Variants in GTPBP2 observed in about 807,000 individuals in gnomAD.
GTPBP2 encodes the protein GTP-binding protein 2.
GTPBP2 carries 32 observed loss-of-function variants against 63.0 expected under a neutral mutation model. That is an observed-to-expected ratio of 0.51 (90% CI 0.38 to 0.68). The LOEUF (loss-of-function observed/expected upper bound fraction) is 0.68. Ranked by LOEUF, GTPBP2 falls within the 30% of genes least tolerant of loss-of-function variation. The pLI is 0.00. For missense variants in GTPBP2, 492 were observed against 796.9 expected, an observed-to-expected ratio of 0.62 and a Z score of 4.61; for synonymous variants, 310 against 322.6, an observed-to-expected ratio of 0.96 and a Z score of 0.42.
At position 43,625,630 on chromosome 6, in the gene GTPBP2, A is replaced by C; in HGVS notation, c.508-70T>G. 6.9e-7 allele frequency: 1 copy of C among 1,443,212 alleles called. No individual in the cohort carries two copies. Among genetic ancestry groups the C allele is most frequent in the Non-Finnish European group, 9.8e-7 (1 of 1,025,318 alleles). 89.4% of individuals were successfully genotyped at this position (1,443,212 alleles called of 1,614,324 possible). The stretch of plus-strand genomic sequence containing the variant: ...TCTAACTGAAGACTGGGTCAAGGGC[A>C]GTGACGCTCCCTAGGGAGCAAGTGA... On this transcript the variant is annotated intron_variant, in intron 4 of 11. Coordinates refer to ENST00000307126, the MANE Select transcript of GTPBP2 (RefSeq NM_019096.5). This position sits in a 1 kb window ranked among gnomAD's most constrained non-coding sequence, Gnocchi z 5.1.
rs199783954 is a variant in GTPBP2 at position 43,625,097 on chromosome 6, C to T, written c.706-35G>A. ...GGCCCAGGGCCCTCAGTGCCTCCTG[C>T]CAGCCCTTCCAACCCCTTCAGAGTT... On this transcript the variant is annotated intron_variant, in intron 5 of 11. Coordinates refer to ENST00000307126, the MANE Select transcript of GTPBP2 (RefSeq NM_019096.5). The surrounding 1 kb of genome is among the most constrained non-coding windows in gnomAD (Gnocchi z 5.1). 232 of 1,600,960 alleles carry T rather than the reference C, an allele frequency of 1.4e-4. 4 individuals are homozygous for T. The South Asian group carries it at 2.3e-3, about 16-fold the overall frequency.
At chr6:43,629,612 C>G, upstream of GTPBP2, 1 of 876,460 alleles carries the variant, frequency 1.1e-6, no homozygotes, top group Non-Finnish European at 1.9e-6. Flanking sequence ...ACATCAGAAT[C>G]GAGCTTTGTG....
chr6:43,625,619 G>T lies in GTPBP2; in HGVS notation c.508-59C>A. On this transcript the variant is annotated intron_variant, in intron 4 of 11. Coordinates refer to ENST00000307126, the MANE Select transcript of GTPBP2 (RefSeq NM_019096.5). The surrounding 1 kb of genome is among the most constrained non-coding windows in gnomAD (Gnocchi z 5.1). Reference sequence around the variant, plus strand: ...TCTCTCACCCCTCTAACTGAAGACTGGGTCAAGGGCAGTGACGCTCCCTAG... The same window carrying T: ...TCTCTCACCCCTCTAACTGAAGACTTGGTCAAGGGCAGTGACGCTCCCTAG... The T allele has an allele frequency of 1.3e-6, 2 of 1,488,788 alleles. No individual in the cohort carries two copies. Among genetic ancestry groups the T allele is most frequent in the Non-Finnish European group, 9.4e-7 (1 of 1,066,702 alleles). The allele number at this position is 1,488,788 out of a possible 1,614,324, so 92.2% of individuals were successfully genotyped here.
chr6:43,624,470 C>T lies in GTPBP2; in HGVS notation c.1100+40G>A, dbSNP rs1769133953. Reference sequence around the variant, plus strand: ...TCTGGGCCCTGGGCTCTGTGGCAGCCTTCCTAGTGGATCAGGGCTTTAGAG... The same window carrying T: ...TCTGGGCCCTGGGCTCTGTGGCAGCTTTCCTAGTGGATCAGGGCTTTAGAG... On this transcript the variant is annotated intron_variant, in intron 7 of 11. Coordinates refer to ENST00000307126, the MANE Select transcript of GTPBP2 (RefSeq NM_019096.5). The surrounding 1 kb of genome is among the most constrained non-coding windows in gnomAD (Gnocchi z 5.1). 1 of 1,458,722 alleles carries T rather than the reference C, an allele frequency of 6.9e-7. No individual in the cohort carries two copies. The highest frequency in any genetic ancestry group is 9.6e-7 in the Non-Finnish European group (1 of 1,045,492). 90.4% of individuals were successfully genotyped at this position (1,458,722 alleles called of 1,614,324 possible). A position where few individuals can be genotyped will look rare whatever the true frequency, so the allele number is the denominator to read the frequency against.
At position 43,625,355 on chromosome 6, in the gene GTPBP2, C is replaced by T; in HGVS notation, c.705+8G>A. The T allele has an allele frequency of 6.2e-7, 1 of 1,613,108 alleles. No individual in the cohort carries two copies. On this transcript the variant is annotated splice_region_variant and intron_variant, in intron 5 of 11. Transcript: ENST00000307126. This position sits in a 1 kb window ranked among gnomAD's most constrained non-coding sequence, Gnocchi z 5.1. ...CTGGCCCCATTGGGTCCCATTGATC[C>T]CATGCACCTCTCCCTTGCTGTTAAA... is the stretch of plus-strand genomic sequence containing the variant.
upstream of GTPBP2, chr6:43,629,813 C>T: frequency 2.6e-6 from 4 of 1,553,318 alleles, no homozygotes; most frequent in Non-Finnish European, 3.5e-6. Context: ...TGGTGATTAG[C>T]CAAATTACGG....
rs1294543581 is a variant in GTPBP2 at position 43,626,337 on chromosome 6, C to G, written c.287G>C (p.Gly96Ala). The G allele has an allele frequency of 6.2e-7, 1 of 1,614,210 alleles. No homozygotes were observed. The highest frequency in any genetic ancestry group is 1.7e-5 in the Admixed American group (1 of 60,026). ...VTQMKWRLQE[G>A]RGEAVYQIGV... Reference sequence around the variant, plus strand: ...AATCTGGTAGACGGCCTCACCACGTCCCTCCTGGAGCCGCCACTTCATTTG... The same window carrying G: ...AATCTGGTAGACGGCCTCACCACGTGCCTCCTGGAGCCGCCACTTCATTTG... Residue 96 changes from glycine (G) to alanine (A), a missense_variant, in exon 3 of 12, where the codon GGA becomes GCA. This residue lies in a region of GTPBP2 where 400 missense variants were observed against 710.8 expected (regional missense o/e 0.56). Coordinates refer to ENST00000307126, the MANE Select transcript of GTPBP2 (RefSeq NM_019096.5). This position sits in a 1 kb window ranked among gnomAD's most constrained non-coding sequence, Gnocchi z 4.0.
In GTPBP2 at chr6:43,625,156, C is replaced by A. The variant is rs969784343; in HGVS notation, c.706-94G>T. Reference sequence around the variant, plus strand: ...CTAAACCATTCCCTGGGTGACCCTGCCTCTTAATCTTGACCCCATTTTTTA... The same window carrying A: ...CTAAACCATTCCCTGGGTGACCCTGACTCTTAATCTTGACCCCATTTTTTA... On this transcript the variant is annotated intron_variant, in intron 5 of 11. Transcript: ENST00000307126. This position sits in a 1 kb window ranked among gnomAD's most constrained non-coding sequence, Gnocchi z 5.1. 2 of 1,239,880 alleles carry A rather than the reference C, an allele frequency of 1.6e-6. No homozygotes were observed. Among genetic ancestry groups the A allele is most frequent in the African/African-American group, 3.0e-5 (2 of 66,758 alleles). The allele number at this position is 1,239,880 out of a possible 1,614,324, so 76.8% of individuals were successfully genotyped here. A position where few individuals can be genotyped will look rare whatever the true frequency, so the allele number is the denominator to read the frequency against.
rs1401257104 is a variant in GTPBP2, at chr6:43,626,317, G to A, written c.307C>T (p.Gln103Ter). ...AGCCCATTGTCCTCTACCCCAATCT[G>A]GTAGACGGCCTCACCACGTCCCTCC... ...LQEGRGEAVY[Q>*]IGVEDNGLLV... Residue 103 changes from glutamine (Q) to a stop codon, truncating the protein, a stop_gained, in exon 3 of 12, where the codon CAG becomes TAG. Transcript: ENST00000307126. LOFTEE classifies it high-confidence loss of function. This position sits in a 1 kb window ranked among gnomAD's most constrained non-coding sequence, Gnocchi z 4.0. The A allele has an allele frequency of 1.2e-6, 2 of 1,614,068 alleles. No homozygotes were observed. Among genetic ancestry groups the A allele is most frequent in the African/African-American group, 2.7e-5 (2 of 74,930 alleles).
In GTPBP2 at chr6:43,624,138, C is replaced by T. The variant is rs562369428; in HGVS notation, c.1101-70G>A. 7 of 1,411,630 alleles carry T rather than the reference C, an allele frequency of 5.0e-6. No individual in the cohort carries two copies. The highest frequency in any genetic ancestry group is 4.2e-5 in the Admixed American group (2 of 47,438). 87.4% of individuals were successfully genotyped at this position (1,411,630 alleles called of 1,614,324 possible). ...AGGAGGCAGAGGCCAGAGCCCCATA[C>T]ATGGAAAGGTGAGCTTTGTTCTGGC... is the stretch of plus-strand genomic sequence containing the variant. On this transcript the variant is annotated intron_variant, in intron 7 of 11. Transcript: ENST00000307126. This position sits in a 1 kb window ranked among gnomAD's most constrained non-coding sequence, Gnocchi z 5.1.
upstream of GTPBP2, among the ~76,000 whole-genome samples, chr6:43,630,658 G>A (rs1352868155): frequency 4.6e-5 from 7 of 151,756 alleles, no homozygotes; most frequent in African/African-American, 7.3e-5. Context: ...CAGGAGAATC[G>A]CTTGAACCCG....
upstream of GTPBP2, among the ~76,000 whole-genome samples, chr6:43,630,096 C>T (rs1324164717): frequency 1.3e-5 from 2 of 152,204 alleles, no homozygotes; most frequent in Admixed American, 1.3e-4. Context: ...GCCCCTACTT[C>T]GGGCGGGGCT....
chr6:43,630,373 G>C (rs1473971903), upstream of GTPBP2, among the ~76,000 whole-genome samples: 1 of 152,212 alleles, frequency 6.6e-6, no homozygotes, highest in African/African-American at 2.4e-5. Flanking sequence ...GCTGTCTCAT[G>C]ACTCAGACCA....
chr6:43,628,279 G>A (rs1386128411), intron 1 of GTPBP2, among the ~76,000 whole-genome samples: 1 of 152,078 alleles, frequency 6.6e-6, no homozygotes, highest in African/African-American at 2.4e-5. Flanking sequence ...CAGAAGAATC[G>A]CTTGAGAACC....
At chr6:43,621,969 C>T (rs773244231) in intron 11 of GTPBP2, 34 bp downstream of exon 11, 11 of 1,612,652 alleles carry the variant, frequency 6.8e-6, no homozygotes, top group Non-Finnish European at 8.5e-6. Context: ...TCTTTTCTGA[C>T]CTCTGGAGAA....
At position 43,621,304 on chromosome 6, in the gene GTPBP2, G is replaced by T. The variant is rs1304643186; in HGVS notation, c.*310C>A. On this transcript the variant is annotated 3_prime_UTR_variant, in exon 12 of 12. Transcript: ENST00000307126. ...CATGCCCAGTCTTAGTAGTGGGGACGAAGAATTGATGAGTGGATCCAGTCA... is the reference window on the plus strand; with the variant it reads ...CATGCCCAGTCTTAGTAGTGGGGACTAAGAATTGATGAGTGGATCCAGTCA... 5.1e-6 allele frequency: 4 copies of T among 781,902 alleles called. No homozygotes were observed. The African/African-American group carries it at 5.2e-5, about 10-fold the overall frequency. 48.4% of individuals were successfully genotyped at this position (781,902 alleles called of 1,614,324 possible).
chr6:43,629,808 AT>A, upstream of GTPBP2: 1 of 1,555,478 alleles, frequency 6.4e-7, no homozygotes. Flanking sequence ...GCGGATGGTG[AT>A]TAGCCAAATT....
upstream of GTPBP2, among the ~76,000 whole-genome samples, chr6:43,630,139 G>A (rs759526484): frequency 1.4e-4 from 22 of 152,236 alleles, no homozygotes; most frequent in Non-Finnish European, 2.9e-4. Flanking sequence ...CCACGAGGGC[G>A]GGGCAGTGGC....
rs138697361 is a variant in GTPBP2 at position 43,620,927 on chromosome 6, C to A, written c.*687G>T. 4 of 162,040 alleles carry A rather than the reference C, an allele frequency of 2.5e-5. No homozygotes were observed. In the East Asian group the frequency reaches 7.0e-4, roughly 28 times the overall value. The allele number at this position is 162,040 out of a possible 1,614,324, so 10.0% of individuals were successfully genotyped here. A position where few individuals can be genotyped will look rare whatever the true frequency, so the allele number is the denominator to read the frequency against. ...CAAGCCTTTGCTTGGTAGCCCCACG[C>A]CTGGGCCAGCACAACAAATAGCACC... On this transcript the variant is annotated 3_prime_UTR_variant, in exon 12 of 12. Transcript: ENST00000307126.
Sources: gnomAD v4.1 joint callset for allele counts (sites outside exome capture counted in the v4.1 genomes callset) on GRCh38, gnomAD v4.1.1 for gene constraint, gnomAD v4.1.1 regional missense constraint, Gnocchi (gnomAD v3.1) non-coding constraint, MANE v1.5 for transcripts, NCBI Gene and HGNC (gene_info 2026-07-23, HGNC 2026-07-21) for gene names.